SAMD5: variants seen among roughly 807,000 people sequenced by gnomAD.
SAMD5 encodes sterile alpha motif domain containing 5.
SAMD5 carries 13 observed loss-of-function variants against 11.3 expected under a neutral mutation model. That is an observed-to-expected ratio of 1.15 (90% CI 0.75 to 1.83). SAMD5 has a LOEUF of 1.83. Among genes scored for constraint, SAMD5 ranks in the 40% most tolerant of loss-of-function variants. The pLI, the probability that SAMD5 is intolerant of heterozygous loss-of-function variation, is 0.00. For missense variants in SAMD5, 255 were observed against 239.1 expected, an observed-to-expected ratio of 1.07 and a Z score of -0.44; for synonymous variants, 129 against 111.3, an observed-to-expected ratio of 1.16 and a Z score of -1.00.
chr6:147,921,990 G>A, the SAMD5 span, among the ~76,000 whole-genome samples: 2 of 152,102 alleles, frequency 1.3e-5, no homozygotes, highest in Non-Finnish European at 2.9e-5. Context: ...TGGAACACAC[G>A]ATGGAAAACA....
intron 1 of SAMD5, among the ~76,000 whole-genome samples, chr6:147,659,868 C>T (rs1270542313): frequency 1.3e-5 from 2 of 152,164 alleles, no homozygotes; most frequent in Non-Finnish European, 2.9e-5. Context: ...TGGCAAATCT[C>T]CTGTAGGTCA....
chr6:147,805,923 T>C, the SAMD5 span, among the ~76,000 whole-genome samples: 1 of 152,156 alleles, frequency 6.6e-6, no homozygotes, highest in African/African-American at 2.4e-5. Context: ...AGGAAAATAA[T>C]GAGCTTGCAA....
chr6:147,738,576 A>T (rs1791837828), downstream of SAMD5, among the ~76,000 whole-genome samples: 4 of 152,356 alleles, frequency 2.6e-5, no homozygotes, highest in South Asian at 8.3e-4. Flanking sequence ...TACATATTTT[A>T]TATAAACTAG....
chr6:147,871,383 T>A, the SAMD5 span, among the ~76,000 whole-genome samples: 3 of 152,290 alleles, frequency 2.0e-5, no homozygotes, highest in Admixed American at 6.5e-5. Flanking sequence ...CCATTGTACC[T>A]CTCTAGCTTT....
chr6:147,910,590 A>C, the SAMD5 span, among the ~76,000 whole-genome samples: 1 of 152,148 alleles, frequency 6.6e-6, no homozygotes, highest in African/African-American at 2.4e-5. Context: ...GAACTATTAT[A>C]AAGTGACCCA....
At chr6:147,918,376 G>T in the SAMD5 span, among the ~76,000 whole-genome samples, 1 of 152,110 alleles carries the variant, frequency 6.6e-6, no homozygotes, top group Non-Finnish European at 1.5e-5. Flanking sequence ...TCTGTTATTG[G>T]TGTATAAGAA....
chr6:147,761,774 C>G, the SAMD5 span, among the ~76,000 whole-genome samples: 1 of 152,122 alleles, frequency 6.6e-6, no homozygotes, highest in Non-Finnish European at 1.5e-5. Context: ...AGTGCAGTGG[C>G]AAGTTCTCGG....
the SAMD5 span, among the ~76,000 whole-genome samples, chr6:147,789,704 G>A: frequency 6.6e-6 from 1 of 152,280 alleles, no homozygotes; most frequent in South Asian, 2.1e-4. Flanking sequence ...GCCATATTGT[G>A]TTTAGTCATC....
chr6:147,930,770 G>A, the SAMD5 span, among the ~76,000 whole-genome samples: 1 of 152,286 alleles, frequency 6.6e-6, no homozygotes, highest in East Asian at 1.9e-4. Context: ...GGCAGGAAGA[G>A]GAAAGGGTAC....
intron 1 of SAMD5, among the ~76,000 whole-genome samples, chr6:147,677,193 G>T (rs1207415548): frequency 6.6e-6 from 1 of 152,126 alleles, no homozygotes; most frequent in Non-Finnish European, 1.5e-5. Context: ...TGCAAACCCG[G>T]ACCTCTCTGT....
At chr6:147,920,714 T>C in the SAMD5 span, among the ~76,000 whole-genome samples, 38 of 152,312 alleles carry the variant, frequency 2.5e-4, no homozygotes, top group African/African-American at 8.9e-4. Context: ...ATAAGGATGA[T>C]AAGCAAAGAA....
chr6:147,580,837 C>A (rs141526530), intron 1 of SAMD5, among the ~76,000 whole-genome samples: 2,496 of 150,654 alleles, frequency 0.017, 61 homozygotes, highest in African/African-American at 0.057. Flanking sequence ...TTAATTCTCA[C>A]GTAGTTCTAG....
At chr6:147,629,841 G>A (rs1003943347) in intron 1 of SAMD5, among the ~76,000 whole-genome samples, 33 of 152,068 alleles carry the variant, frequency 2.2e-4, no homozygotes, top group African/African-American at 8.0e-4. Flanking sequence ...GGGAAGGTGT[G>A]ATGACTACCC....
At chr6:147,906,213 A>G in the SAMD5 span, among the ~76,000 whole-genome samples, 2 of 152,218 alleles carry the variant, frequency 1.3e-5, no homozygotes, top group African/African-American at 2.4e-5. Context: ...TTTTTTCTCT[A>G]TTTTGATTGC....
chr6:147,544,437 A>G (rs1483527871), intron 1 of SAMD5, among the ~76,000 whole-genome samples: 1 of 152,236 alleles, frequency 6.6e-6, no homozygotes, highest in Non-Finnish European at 1.5e-5. Context: ...AAGCACTTAA[A>G]CTTATATAGA....
intron 1 of SAMD5, among the ~76,000 whole-genome samples, chr6:147,734,298 G>A (rs1791759431): frequency 6.6e-6 from 1 of 152,168 alleles, no homozygotes; most frequent in South Asian, 2.1e-4. Flanking sequence ...AAAGTCTGTT[G>A]TTTTTTCTTT....
intron 1 of SAMD5, among the ~76,000 whole-genome samples, chr6:147,653,670 T>C (rs1002916380): frequency 8.5e-5 from 13 of 152,370 alleles, no homozygotes; most frequent in African/African-American, 2.2e-4. Flanking sequence ...CTTTCAAATA[T>C]GCACAGAGCC....
the SAMD5 span, among the ~76,000 whole-genome samples, chr6:147,888,277 C>T: frequency 6.6e-6 from 1 of 151,946 alleles, no homozygotes; most frequent in Non-Finnish European, 1.5e-5. Context: ...GTGTAAATCA[C>T]GTTTTCATCT....
In SAMD5 at chr6:147,689,534, C is replaced by A. The variant is rs535228994; in HGVS notation, c.163-47783C>A. The stretch of plus-strand genomic sequence containing the variant: ...GTTATTAGGTACTTATCTCTGCTAA[C>A]TCTTCCCTTTTCCCAGTCAAAGGAA... On this transcript the variant is annotated intron_variant, in intron 1 of 1. Coordinates refer to the SAMD5 transcript ENST00000566741. Among the ~76,000 whole-genome samples, 38 of 152,306 alleles carry A rather than the reference C, an allele frequency of 2.5e-4. 2 individuals are homozygous for A. The highest frequency in any genetic ancestry group is 7.9e-4 in the African/African-American group (33 of 41,564).
Sources: gnomAD v4.1 joint callset for allele counts (sites outside exome capture counted in the v4.1 genomes callset) on GRCh38, gnomAD v4.1.1 for gene constraint, MANE v1.5 for transcripts, NCBI Gene and HGNC (gene_info 2026-07-23, HGNC 2026-07-21) for gene names.